SERPINE3: variants seen among roughly 807,000 people sequenced by gnomAD.
SERPINE3 encodes serpin E3.
Under a neutral mutation model 41.7 loss-of-function variants are expected in SERPINE3, and 43 were observed. That is an observed-to-expected ratio of 1.03 (90% CI 0.81 to 1.33). SERPINE3 has a LOEUF of 1.33. SERPINE3 is among the 40% of genes most tolerant of loss of function. SERPINE3 has a pLI of 0.00. For missense variants in SERPINE3, 440 were observed against 491.7 expected (o/e 0.89, Z 0.99); for synonymous variants, 200 against 192.2 (o/e 1.04, Z -0.34).
At chr13:51,363,966 CTT>C (rs1955635006) in intron 9 of SERPINE3, 2 of 244,076 alleles carry the variant, frequency 8.2e-6, no homozygotes, top group East Asian at 7.7e-5. Flanking sequence ...CCTAGATACT[CTT>C]GTTAAGTATG....
chr13:51,353,489 A>G (rs1955431494), intron 6 of SERPINE3, among the ~76,000 whole-genome samples: 1 of 152,192 alleles, frequency 6.6e-6, no homozygotes, highest in South Asian at 2.1e-4. Flanking sequence ...AGGTAAAGTA[A>G]CTAGTTTGCA....
intron 4 of SERPINE3, among the ~76,000 whole-genome samples, chr13:51,345,492 G>T (rs373387530): frequency 6.6e-6 from 1 of 151,814 alleles, no homozygotes; most frequent in African/African-American, 2.4e-5. Flanking sequence ...TACTCGGGGA[G>T]GCTGAGGCAG....
chr13:51,358,417 G>A (rs1447424092), intron 7 of SERPINE3, among the ~76,000 whole-genome samples: 1 of 152,126 alleles, frequency 6.6e-6, no homozygotes, highest in Non-Finnish European at 1.5e-5. Flanking sequence ...AGTATGACCA[G>A]CCATACACAA....
chr13:51,363,559 C>T (rs982618896), intron 9 of SERPINE3: 34 of 151,880 alleles, frequency 2.2e-4, no homozygotes, highest in African/African-American at 6.5e-4. Context: ...TATCATTTGT[C>T]GAGCCTTAAG....
intron 9 of SERPINE3, chr13:51,362,148 T>A: frequency 9.4e-7 from 1 of 1,063,814 alleles, no homozygotes. Flanking sequence ...TTTTTTTTTT[T>A]AATGCTATAG....
At position 51,344,776 on chromosome 13, in the gene SERPINE3, C is replaced by T. The variant is rs931299515; in HGVS notation, c.490+291C>T. On this transcript the variant is annotated intron_variant, in intron 4 of 9. Coordinates refer to ENST00000681248, the MANE Select transcript of SERPINE3 (RefSeq NM_001386375.1). ...TTGTGCTCTTCAGAGCCTCCCACCT[C>T]GGAGGACCCCACAGGCTTTCTCCCA... Among the ~76,000 whole-genome samples the T allele has an allele frequency of 7.2e-5, 11 of 152,172 alleles. 1 individual carries two copies. Among genetic ancestry groups the T allele is most frequent in the Admixed American group, 5.9e-4 (9 of 15,282 alleles).
intron 5 of SERPINE3, among the ~76,000 whole-genome samples, 187 bp from the exon 6 acceptor site, chr13:51,348,026 G>T (rs539790437): frequency 6.6e-6 from 1 of 152,122 alleles, no homozygotes; most frequent in East Asian, 1.9e-4. Flanking sequence ...AAGACTCTAG[G>T]TCTAGGATTT....
Position 51,355,048 on chromosome 13 carries a change from G to C in SERPINE3, c.905G>C (p.Arg302Thr). 1 of 1,515,442 alleles carries C rather than the reference G, an allele frequency of 6.6e-7. No individual in the cohort carries two copies. Among genetic ancestry groups the C allele is most frequent in the Non-Finnish European group, 9.0e-7 (1 of 1,113,864 alleles). The allele number at this position is 1,515,442 out of a possible 1,614,324, so 93.9% of individuals were successfully genotyped here. Residue 302 changes from arginine (R) to threonine (T), a missense_variant, in exon 7 of 10, where the codon AGG becomes ACG. Physicochemically the swap from Arg to Thr is moderately conservative, Grantham distance 71 (BLOSUM62 -1). Transcript: ENST00000681248. ...ARMDVFLPRF[R>T]IQNQFNLKSI... ...GGTTTGTTTTTGCCTTTTAGGTTTAGGATCCAAAATCAATTCAACTTAAAA... is the reference window on the plus strand; with the variant it reads ...GGTTTGTTTTTGCCTTTTAGGTTTACGATCCAAAATCAATTCAACTTAAAA...
chr13:51,350,630 T>TA (rs1370531736), intron 6 of SERPINE3, among the ~76,000 whole-genome samples: 1 of 152,156 alleles, frequency 6.6e-6, no homozygotes. Context: ...GTTTCTTTTT[T>TA]AAAAAATCAA....
At chr13:51,358,721 T>C (rs1401386869) in intron 7 of SERPINE3, among the ~76,000 whole-genome samples, 19 of 151,932 alleles carry the variant, frequency 1.3e-4, no homozygotes, top group Admixed American at 1.2e-3. Flanking sequence ...GCTAATAGTC[T>C]AAAAAGGAAG....
intron 3 of SERPINE3, among the ~76,000 whole-genome samples, chr13:51,342,627 C>G: frequency 6.6e-6 from 1 of 152,118 alleles, no homozygotes; most frequent in East Asian, 2.0e-4. Flanking sequence ...ACTTACTCTA[C>G]TATTTTAATG....
At chr13:51,342,365 C>T (rs954297709) in intron 3 of SERPINE3, among the ~76,000 whole-genome samples, 1 of 152,068 alleles carries the variant, frequency 6.6e-6, no homozygotes, top group Non-Finnish European at 1.5e-5. Flanking sequence ...TCTGTCTGGG[C>T]CTCTGCTCGC....
At chr13:51,357,517 CG>C (rs1392993574) in intron 7 of SERPINE3, among the ~76,000 whole-genome samples, 17 of 152,102 alleles carry the variant, frequency 1.1e-4, no homozygotes, top group Admixed American at 1.1e-3. Context: ...TTTGGCCTTT[CG>C]GTCCCAAAGC....
chr13:51,358,318 T>C (rs1385811642), intron 7 of SERPINE3, among the ~76,000 whole-genome samples: 3 of 152,172 alleles, frequency 2.0e-5, no homozygotes, highest in African/African-American at 4.8e-5. Flanking sequence ...GCAAATGATA[T>C]GTTTATCCTG....
intron 4 of SERPINE3, among the ~76,000 whole-genome samples, 187 bp downstream of exon 4, chr13:51,344,672 T>A (rs1280936592): frequency 1.3e-5 from 2 of 151,984 alleles, no homozygotes; most frequent in Non-Finnish European, 2.9e-5. Context: ...CTCTTCCTGC[T>A]CTGACCCTCT....
intron 6 of SERPINE3, among the ~76,000 whole-genome samples, chr13:51,349,361 G>A (rs1355984809): frequency 1.3e-5 from 2 of 152,138 alleles, no homozygotes; most frequent in East Asian, 1.9e-4. Flanking sequence ...AGGGCAAAAG[G>A]TGCACTTAAC....
chr13:51,353,483 A>C (rs1264599683), intron 6 of SERPINE3, among the ~76,000 whole-genome samples: 1 of 152,226 alleles, frequency 6.6e-6, no homozygotes, highest in Non-Finnish European at 1.5e-5. Context: ...CCACGGAGGT[A>C]AAGTAACTAG....
chr13:51,340,066 G>A (rs568185140), intron 1 of SERPINE3, among the ~76,000 whole-genome samples: 7 of 152,288 alleles, frequency 4.6e-5, no homozygotes, highest in South Asian at 4.1e-4. Flanking sequence ...AGGCACCATC[G>A]TGCTCAGTGG....
intron 2 of SERPINE3, 101 bp from the exon 3 acceptor site, chr13:51,340,974 C>G (rs1373546023): frequency 3.4e-6 from 4 of 1,190,066 alleles, no homozygotes; most frequent in African/African-American, 1.5e-5. Context: ...CCGTCCCTAG[C>G]CCCTAAAAAC....
Sources: gnomAD v4.1 joint callset for allele counts (sites outside exome capture counted in the v4.1 genomes callset) on GRCh38, gnomAD v4.1.1 for gene constraint, MANE v1.5 for transcripts, NCBI Gene and HGNC (gene_info 2026-07-23, HGNC 2026-07-21) for gene names.